The following TENM3 variants were observed in gnomAD, a reference collection of about 807,000 sequenced individuals.
The protein encoded by TENM3 is teneurin transmembrane protein 3.
TENM3 carries 63 observed loss-of-function variants against 255.1 expected under a neutral mutation model. That is an observed-to-expected ratio of 0.25 (90% CI 0.20 to 0.30). The LOEUF is 0.30. Among genes scored for constraint, TENM3 ranks in the 10% least tolerant of loss-of-function variants. The probability of loss-of-function intolerance (pLI) is 1.00; values close to 1 mark genes in which losing one functional copy is unlikely to be tolerated. For missense variants in TENM3, 2,929 were observed against 3,461.1 expected (o/e 0.85, Z 3.86); for synonymous variants, 1,306 against 1,322.3 (o/e 0.99, Z 0.27).
chr4:182,211,248 G>A (rs551887426), intron 1 of TENM3, among the ~76,000 whole-genome samples: 2 of 152,306 alleles, frequency 1.3e-5, no homozygotes, highest in East Asian at 3.9e-4. Flanking sequence ...TCTTGTTCAC[G>A]AGAAGGATAA....
At chr4:181,973,223 T>A in the TENM3 span, among the ~76,000 whole-genome samples, 1 of 152,218 alleles carries the variant, frequency 6.6e-6, no homozygotes, top group Non-Finnish European at 1.5e-5. Flanking sequence ...CTGGAAGGCA[T>A]CAATTTTTAA....
chr4:181,794,473 G>A, the TENM3 span, among the ~76,000 whole-genome samples: 2 of 152,054 alleles, frequency 1.3e-5, no homozygotes, highest in African/African-American at 2.4e-5. Flanking sequence ...CCTGGCAACC[G>A]CCCTTCTACT....
intron 1 of TENM3, among the ~76,000 whole-genome samples, chr4:182,230,627 C>G (rs1424128899): frequency 6.6e-6 from 1 of 151,590 alleles, no homozygotes; most frequent in African/African-American, 2.4e-5. Flanking sequence ...GCTTTAACCT[C>G]CCCATCTGCA....
intron 5 of TENM3, among the ~76,000 whole-genome samples, chr4:182,637,677 A>C (rs1267711739): frequency 6.6e-6 from 1 of 152,262 alleles, no homozygotes; most frequent in Non-Finnish European, 1.5e-5. Flanking sequence ...CATGGGTCAG[A>C]CACTGTGACA....
chr4:182,118,828 T>C, the TENM3 span, among the ~76,000 whole-genome samples: 5,829 of 152,248 alleles, frequency 0.038, 134 homozygotes, highest in South Asian at 0.063. Context: ...ATATAATACT[T>C]TTTATACATT....
intron 6 of TENM3, 95 bp from the exon 7 acceptor site, chr4:182,672,910 T>G (rs1755335460): frequency 1.1e-6 from 1 of 891,772 alleles, no homozygotes; most frequent in African/African-American, 1.7e-5. Context: ...CTTGAGCATT[T>G]GGTAAAAATA....
chr4:182,655,411 A>G (rs1753669952), intron 6 of TENM3, among the ~76,000 whole-genome samples: 1 of 152,128 alleles, frequency 6.6e-6, no homozygotes, highest in Non-Finnish European at 1.5e-5. Context: ...AGTTTGGCTA[A>G]TTAGTTTCAC....
the TENM3 span, among the ~76,000 whole-genome samples, chr4:181,594,941 CTT>C: frequency 1.3e-5 from 2 of 152,044 alleles, no homozygotes; most frequent in African/African-American, 4.8e-5. Flanking sequence ...TGATTCCTCT[CTT>C]TGTTTATGGT....
the TENM3 span, among the ~76,000 whole-genome samples, chr4:182,011,704 A>G: frequency 6.6e-6 from 1 of 152,200 alleles, no homozygotes; most frequent in Non-Finnish European, 1.5e-5. Flanking sequence ...AAAAGGGTCG[A>G]ATACTATTTC....
chr4:181,530,918 A>AT, the TENM3 span, among the ~76,000 whole-genome samples: 1 of 152,112 alleles, frequency 6.6e-6, no homozygotes, highest in Non-Finnish European at 1.5e-5. Flanking sequence ...CACCTGCACC[A>AT]GTTCTGTGTT....
intron 18 of TENM3, among the ~76,000 whole-genome samples, chr4:182,738,987 C>T (rs975962821): frequency 7.9e-5 from 12 of 151,478 alleles, no homozygotes; most frequent in African/African-American, 2.4e-4. Flanking sequence ...TGTGACTTCA[C>T]CAAAATATTT....
At chr4:182,773,812 T>C in intron 23 of TENM3, 165 bp downstream of exon 23, 1 of 526,540 alleles carries the variant, frequency 1.9e-6, no homozygotes, top group Non-Finnish European at 3.2e-6. Context: ...TTTACTTGTA[T>C]AGACATATTT....
chr4:181,664,491 CA>C, the TENM3 span, among the ~76,000 whole-genome samples: 2 of 48,466 alleles, frequency 4.1e-5, no homozygotes, highest in East Asian at 3.9e-4. Context: ...AAAAACAAAA[CA>C]AAAAAATAGA....
At chr4:181,893,520 A>G in the TENM3 span, among the ~76,000 whole-genome samples, 7 of 81,500 alleles carry the variant, frequency 8.6e-5, no homozygotes, top group African/African-American at 3.2e-4. Context: ...CATTCCTCTT[A>G]GGATGCATCC....
At chr4:181,594,141 C>T in the TENM3 span, among the ~76,000 whole-genome samples, 1 of 151,936 alleles carries the variant, frequency 6.6e-6, no homozygotes, top group South Asian at 2.1e-4. Flanking sequence ...ACTGAGAAAA[C>T]ATGTAACGAT....
intron 3 of TENM3, among the ~76,000 whole-genome samples, chr4:182,416,867 C>T (rs1770402089): frequency 6.6e-6 from 1 of 152,226 alleles, no homozygotes; most frequent in South Asian, 2.1e-4. Context: ...ACGTTGTCTG[C>T]ATCACTGCCT....
chr4:182,000,711 A>G, the TENM3 span, among the ~76,000 whole-genome samples: 2 of 152,138 alleles, frequency 1.3e-5, no homozygotes, highest in Non-Finnish European at 2.9e-5. Flanking sequence ...ACTCTAAAAT[A>G]TTTCTTGCTT....
chr4:181,492,662 C>G, the TENM3 span, among the ~76,000 whole-genome samples: 1 of 151,932 alleles, frequency 6.6e-6, no homozygotes, highest in Non-Finnish European at 1.5e-5. Context: ...TATCATTGTT[C>G]TACAGATTTT....
At chr4:182,660,658 A>G (rs1754151171) in intron 6 of TENM3, among the ~76,000 whole-genome samples, 1 of 152,228 alleles carries the variant, frequency 6.6e-6, no homozygotes, top group African/African-American at 2.4e-5. Context: ...AATCCCCATC[A>G]TTCGTTATTT....
Sources: allele counts gnomAD v4.1 joint callset (sites outside exome capture counted in the v4.1 genomes callset), GRCh38; gene constraint gnomAD v4.1.1; transcripts MANE v1.5; gene names NCBI Gene and HGNC (gene_info 2026-07-23, HGNC 2026-07-21).